UTRN: variants seen among roughly 807,000 people sequenced by gnomAD.
UTRN encodes the protein dystrophin-related protein 1.
A neutral mutation model predicts 463.9 loss-of-function variants in UTRN; 283 were observed. The observed-to-expected ratio is 0.61, with a 90% CI of 0.55 to 0.67. The LOEUF is 0.67. Ranked by LOEUF, UTRN falls within the 30% of genes least tolerant of loss-of-function variation. UTRN has a pLI of 0.00. For synonymous variants in UTRN, 1,442 were observed against 1,431.5 expected (o/e 1.01, Z -0.17); for missense variants, 3,922 against 4,084.3 (o/e 0.96, Z 1.08).
At chr6:144,425,480 A>G (rs561347502) in intron 6 of UTRN, among the ~76,000 whole-genome samples, 13 of 152,346 alleles carry the variant, frequency 8.5e-5, no homozygotes, top group Non-Finnish European at 1.8e-4. Flanking sequence ...GCACCCGTTC[A>G]TAATTTTTGC....
chr6:144,700,388 A>C, intron 53 of UTRN, 145 bp downstream of exon 53: 1 of 942,734 alleles, frequency 1.1e-6, no homozygotes, highest in Non-Finnish European at 1.5e-6. Context: ...TTGCCAGTAG[A>C]CATTTAAAGT....
At chr6:144,728,464 TG>T (rs1170657558) in intron 53 of UTRN, among the ~76,000 whole-genome samples, 2 of 136,826 alleles carry the variant, frequency 1.5e-5, no homozygotes, top group African/African-American at 6.1e-5. Flanking sequence ...AAGTGCCAGA[TG>T]TATATAATCT....
At chr6:144,775,397 A>G (rs752590024) in intron 60 of UTRN, among the ~76,000 whole-genome samples, 33 of 152,210 alleles carry the variant, frequency 2.2e-4, no homozygotes, top group Admixed American at 2.1e-3. Context: ...CAGATGAGGC[A>G]ATGCAAGGAA....
intron 46 of UTRN, among the ~76,000 whole-genome samples, chr6:144,546,112 A>C (rs1798380730): frequency 6.6e-6 from 1 of 152,218 alleles, no homozygotes; most frequent in African/African-American, 2.4e-5. Flanking sequence ...CTACAAAAAA[A>C]GTTAAAGTGA....
At chr6:144,601,989 T>A (rs1804296928) in intron 51 of UTRN, among the ~76,000 whole-genome samples, 1 of 152,202 alleles carries the variant, frequency 6.6e-6, no homozygotes, top group Non-Finnish European at 1.5e-5. Flanking sequence ...ATTTTAAAAT[T>A]AAGGTATGTA....
chr6:144,326,095 G>T (rs1775956551), intron 2 of UTRN, among the ~76,000 whole-genome samples: 2 of 152,164 alleles, frequency 1.3e-5, no homozygotes, highest in African/African-American at 4.8e-5. Context: ...AGAGGAAAGG[G>T]GATGCCCAAG....
rs534513621 is a variant in UTRN at position 144,665,890 on chromosome 6, G to A, written c.7480-12516G>A. Among the ~76,000 whole-genome samples the A allele has an allele frequency of 5.7e-4, 87 of 152,144 alleles. 1 individual carries two copies. Among genetic ancestry groups the A allele is most frequent in the Non-Finnish European group, 1.0e-3 (69 of 68,010 alleles). The stretch of plus-strand genomic sequence containing the variant: ...ATCCTTAGGACATTGCTTCTGCCCT[G>A]TTTTCAAATGTTAGTTCAACTGCTT... On this transcript the variant is annotated intron_variant, in intron 51 of 74. Transcript: ENST00000367545.
chr6:144,339,462 A>C (rs1362202056), intron 2 of UTRN, among the ~76,000 whole-genome samples: 1 of 152,060 alleles, frequency 6.6e-6, no homozygotes, highest in Non-Finnish European at 1.5e-5. Flanking sequence ...ATCTATGTGA[A>C]TTGTCTGGTT....
intron 2 of UTRN, among the ~76,000 whole-genome samples, chr6:144,368,896 C>A (rs751538103): frequency 6.6e-6 from 1 of 152,172 alleles, no homozygotes; most frequent in Non-Finnish European, 1.5e-5. Context: ...TTGTGACTTA[C>A]AAGGTGTCTT....
At chr6:144,477,869 CTCTATCTATCTATCTATCTA>C (rs34192951) in intron 25 of UTRN, among the ~76,000 whole-genome samples, 1 of 148,790 alleles carries the variant, frequency 6.7e-6, no homozygotes, top group East Asian at 2.0e-4. Flanking sequence ...AAGTTTGTAT[CTCTATCTATCTATCTATCTA>C]TCTATCTATC....
chr6:144,683,052 G>A (rs745968637), intron 52 of UTRN, among the ~76,000 whole-genome samples: 5 of 152,128 alleles, frequency 3.3e-5, no homozygotes, highest in Non-Finnish European at 7.4e-5. Flanking sequence ...AACAAAGTGT[G>A]CTCAAGGGGC....
Position 144,664,674 on chromosome 6 carries a change from T to G in UTRN, c.7480-13732T>G, listed in dbSNP as rs191778726. Among the ~76,000 whole-genome samples the G allele has an allele frequency of 8.0e-4, 121 of 152,062 alleles. 1 individual carries two copies. The highest frequency in any genetic ancestry group is 4.6e-4 in the Non-Finnish European group (31 of 67,980). On this transcript the variant is annotated intron_variant, in intron 51 of 74. Transcript: ENST00000367545. ...TACCACCTCTATTGTCAGTCAAAAA[T>G]GTGATTCAATAGAGTGATTAAAATC...
chr6:144,793,951 G>T lies in UTRN; in HGVS notation c.9038G>T (p.Gly3013Val). ...RQLGEVAAFG[G>V]SNIEPSVRSC... is the part of the protein sequence containing the mutation. ...CTAGGTGAAGTAGCAGCTTTTGGAG[G>T]CAGTAATATTGAGCCTAGTGTTCGC... is the stretch of plus-strand genomic sequence containing the variant. The change falls in exon 63 of 75, where the codon GGC (glycine) becomes GTC (valine). Residue 3013 changes from glycine to valine, a missense_variant. Around this residue, in one of 3 missense-constraint regions of UTRN, gnomAD observed 1,309 missense variants for 1,452.6 expected, o/e 0.90. Coordinates refer to ENST00000367545, the MANE Select transcript of UTRN (RefSeq NM_007124.3). 1 of 1,614,076 alleles carries T rather than the reference G, an allele frequency of 6.2e-7. No homozygotes were observed. Among genetic ancestry groups the T allele is most frequent in the Non-Finnish European group, 8.5e-7 (1 of 1,179,976 alleles).
chr6:144,474,099 A>G (rs1790943401), intron 24 of UTRN, among the ~76,000 whole-genome samples: 2 of 151,564 alleles, frequency 1.3e-5, no homozygotes, highest in African/African-American at 4.8e-5. Flanking sequence ...GTCATTGTAT[A>G]TTGCATTTCT....
intron 51 of UTRN, among the ~76,000 whole-genome samples, chr6:144,580,110 A>C (rs943689101): frequency 7.2e-5 from 11 of 152,214 alleles, no homozygotes; most frequent in African/African-American, 2.7e-4. Context: ...ATGAGTAAAC[A>C]GACATTTAAA....
rs113688049 is a variant in UTRN, at chr6:144,800,987, T to C, written c.9246-2049T>C. Among the ~76,000 whole-genome samples the C allele has an allele frequency of 3.0e-3, 459 of 152,252 alleles. 1 individual carries two copies. The highest frequency in any genetic ancestry group is 9.5e-3 in the African/African-American group (396 of 41,558). On this transcript the variant is annotated intron_variant, in intron 64 of 74. Transcript: ENST00000367545. Reference sequence around the variant, plus strand: ...TTGAATCAGAAGTCATTGGGAATCTTAGAGAGGATTCTATCCGTGTCGTTA... The same window carrying C: ...TTGAATCAGAAGTCATTGGGAATCTCAGAGAGGATTCTATCCGTGTCGTTA...
chr6:144,596,363 G>A (rs554570734), intron 51 of UTRN, among the ~76,000 whole-genome samples: 1 of 152,068 alleles, frequency 6.6e-6, no homozygotes, highest in Non-Finnish European at 1.5e-5. Flanking sequence ...TTTCCTGTGG[G>A]TATTGAAATG....
At chr6:144,343,561 A>C (rs1777316915) in intron 2 of UTRN, among the ~76,000 whole-genome samples, 1 of 152,136 alleles carries the variant, frequency 6.6e-6, no homozygotes, top group African/African-American at 2.4e-5. Context: ...AAAAATAATG[A>C]TAATAAAGAG....
chr6:144,799,091 C>T (rs1777494439), intron 64 of UTRN, among the ~76,000 whole-genome samples: 1 of 152,194 alleles, frequency 6.6e-6, no homozygotes, highest in African/African-American at 2.4e-5. Flanking sequence ...TACGGTGATT[C>T]TCTGAGGGAG....
Sources: allele counts gnomAD v4.1 joint callset (sites outside exome capture counted in the v4.1 genomes callset), GRCh38; gene constraint gnomAD v4.1.1; regional missense constraint gnomAD v4.1.1; transcripts MANE v1.5; gene names NCBI Gene and HGNC (gene_info 2026-07-23, HGNC 2026-07-21).